The following CDK19 variants were observed in gnomAD, a reference collection of about 807,000 sequenced individuals.
CDK19 encodes the protein cyclin-dependent kinase 19.
In CDK19, 20 loss-of-function variants were observed where a neutral mutation model predicts 68.3. The observed-to-expected ratio is 0.29, with a 90% CI of 0.21 to 0.43. The LOEUF (loss-of-function observed/expected upper bound fraction) is 0.43, where lower values mean the gene tolerates loss of function less well. Ranked by LOEUF, CDK19 falls within the 20% of genes least tolerant of loss-of-function variation. CDK19 has a pLI of 1.00. For missense variants in CDK19, 339 were observed against 623.5 expected, an observed-to-expected ratio of 0.54 and a Z score of 4.86; for synonymous variants, 221 against 222.8, an observed-to-expected ratio of 0.99 and a Z score of 0.07.
At chr6:110,626,648 G>C (rs1779107817) in intron 8 of CDK19, 128 bp downstream of exon 8, 5 of 581,808 alleles carry the variant, frequency 8.6e-6, no homozygotes, top group Non-Finnish European at 8.9e-6. Context: ...ACATGCCAGT[G>C]CCTTGACCTT....
chr6:110,763,457 C>G (rs1269709626), intron 1 of CDK19, among the ~76,000 whole-genome samples: 1 of 140,056 alleles, frequency 7.1e-6, no homozygotes. Flanking sequence ...TGCTCTATCA[C>G]CAGGCTGGAG....
At chr6:110,685,318 T>C (rs1046310606) in intron 2 of CDK19, among the ~76,000 whole-genome samples, 6 of 152,246 alleles carry the variant, frequency 3.9e-5, no homozygotes, top group African/African-American at 1.4e-4. Context: ...CTATCTTCTT[T>C]GCCTGATAAA....
intron 1 of CDK19, among the ~76,000 whole-genome samples, chr6:110,796,004 AGT>A: frequency 6.6e-6 from 1 of 152,324 alleles, no homozygotes; most frequent in South Asian, 2.1e-4. Flanking sequence ...AAAGTAATTT[AGT>A]AACTACTTAT....
At chr6:110,624,254 T>TGG (rs1309112620) in intron 8 of CDK19, among the ~76,000 whole-genome samples, 1 of 151,536 alleles carries the variant, frequency 6.6e-6, no homozygotes, top group African/African-American at 2.4e-5. Context: ...GATAGGGAGG[T>TGG]GGGGCACACA....
intron 2 of CDK19, among the ~76,000 whole-genome samples, chr6:110,703,156 T>C (rs939237520): frequency 2.0e-5 from 3 of 152,096 alleles, no homozygotes; most frequent in Admixed American, 6.6e-5. Flanking sequence ...TCCCCCACCC[T>C]ACCCCCGGCA....
chr6:110,648,999 A>C (rs1319560522), intron 4 of CDK19, among the ~76,000 whole-genome samples: 1 of 152,220 alleles, frequency 6.6e-6, no homozygotes, highest in Non-Finnish European at 1.5e-5. Context: ...GGCATGGGCC[A>C]CTGTGCCTGG....
rs1783543776 is a variant in CDK19, at chr6:110,815,251, G to GCGCGCGCCGCCCGC, written c.-129_-116dup. ...TCCAACAGCCGCCTCTCGCGCGCGC[G>GCGCGCGCCGCCCGC]CGCGCGCCGCCCGCCGCCCGCCGCT... On this transcript the variant is annotated 5_prime_UTR_variant, in exon 1 of 13. Coordinates refer to ENST00000368911, the MANE Select transcript of CDK19 (RefSeq NM_015076.5). 3 of 1,198,636 alleles carry GCGCGCGCCGCCCGC rather than the reference G, an allele frequency of 2.5e-6. No homozygotes were observed. Among genetic ancestry groups the GCGCGCGCCGCCCGC allele is most frequent in the Admixed American group, 8.8e-5 (2 of 22,822 alleles). 74.3% of individuals were successfully genotyped at this position (1,198,636 alleles called of 1,614,324 possible). A position where few individuals can be genotyped will look rare whatever the true frequency, so the allele number is the denominator to read the frequency against.
At chr6:110,667,403 A>G (rs964442207) in intron 4 of CDK19, 31 bp downstream of exon 4, 23 of 1,441,690 alleles carry the variant, frequency 1.6e-5, no homozygotes, top group Non-Finnish European at 2.1e-5. Context: ...AGGGAAAAAC[A>G]TATTGATGAA....
intron 1 of CDK19, among the ~76,000 whole-genome samples, chr6:110,749,561 T>C (rs961109930): frequency 1.5e-4 from 23 of 152,090 alleles, no homozygotes; most frequent in Admixed American, 5.2e-4. Flanking sequence ...GGTTTCGCCA[T>C]ATTGGCCAGG....
chr6:110,698,520 G>C (rs936886426), intron 2 of CDK19, among the ~76,000 whole-genome samples: 2 of 152,154 alleles, frequency 1.3e-5, no homozygotes, highest in African/African-American at 2.4e-5. Flanking sequence ...TGTTGTTGTG[G>C]ATATGGTGAA....
intron 1 of CDK19, among the ~76,000 whole-genome samples, chr6:110,751,549 A>G (rs1329333134): frequency 1.3e-5 from 2 of 152,180 alleles, no homozygotes; most frequent in Non-Finnish European, 2.9e-5. Context: ...CAGTGTAATA[A>G]TAACACAAAT....
intron 2 of CDK19, among the ~76,000 whole-genome samples, chr6:110,684,194 TA>T (rs993496589): frequency 2.0e-5 from 3 of 152,134 alleles, no homozygotes; most frequent in Admixed American, 2.0e-4. Context: ...ACTGATTCAT[TA>T]AGTAAACTTT....
rs531081297 is a variant in CDK19 at position 110,671,212 on chromosome 6, C to T, written c.205-671G>A. ...GTAAAAGCTTTAAGCTGGACTCTGACGATATGTAGGAAAGATAGACCAGAG... is the reference window on the plus strand; with the variant it reads ...GTAAAAGCTTTAAGCTGGACTCTGATGATATGTAGGAAAGATAGACCAGAG... On this transcript the variant is annotated intron_variant, in intron 2 of 12. Coordinates refer to ENST00000368911, the MANE Select transcript of CDK19 (RefSeq NM_015076.5). Among the ~76,000 whole-genome samples, 34 of 152,032 alleles carry T rather than the reference C, an allele frequency of 2.2e-4. No homozygotes were observed. In the South Asian group the frequency reaches 6.2e-3, roughly 28 times the overall value.
chr6:110,710,241 G>A (rs1480301262), intron 2 of CDK19, among the ~76,000 whole-genome samples: 1 of 152,170 alleles, frequency 6.6e-6, no homozygotes, highest in Non-Finnish European at 1.5e-5. Flanking sequence ...TTCACTTCAT[G>A]CTTTGTCGAA....
At chr6:110,803,885 T>C (rs2115122318) in intron 1 of CDK19, among the ~76,000 whole-genome samples, 1 of 152,248 alleles carries the variant, frequency 6.6e-6, no homozygotes, top group African/African-American at 2.4e-5. Context: ...GGGAGGATCA[T>C]TTGAGCACAG....
At chr6:110,804,200 G>A (rs1172088659) in intron 1 of CDK19, among the ~76,000 whole-genome samples, 2 of 151,960 alleles carry the variant, frequency 1.3e-5, no homozygotes, top group East Asian at 3.9e-4. Flanking sequence ...ATCACATTCA[G>A]CTTAGTAACT....
intron 2 of CDK19, among the ~76,000 whole-genome samples, chr6:110,689,282 C>A (rs1410675445): frequency 6.6e-6 from 1 of 152,130 alleles, no homozygotes; most frequent in Non-Finnish European, 1.5e-5. Flanking sequence ...CACAGACCTA[C>A]CTGACTGAGC....
At chr6:110,754,887 A>G (rs916425690) in intron 1 of CDK19, among the ~76,000 whole-genome samples, 14 of 152,248 alleles carry the variant, frequency 9.2e-5, no homozygotes, top group Admixed American at 2.0e-4. Context: ...TGAGGCATTT[A>G]TTTCAGAAAT....
rs1317219711 is a variant in CDK19, at chr6:110,714,742, T to G, written c.204+31384A>C. ...CTTTTCTTTTTTTTTTTTTTTTTTT[T>G]TAATTTTTTGAGATGGAGTCTCACT... On this transcript the variant is annotated intron_variant, in intron 2 of 12. Transcript: ENST00000368911. Among the ~76,000 whole-genome samples the G allele has an allele frequency of 5.4e-5, 8 of 148,824 alleles. No individual in the cohort carries two copies. In the East Asian group the frequency reaches 1.4e-3, roughly 25 times the overall value.
Sources: gnomAD v4.1 joint callset for allele counts (sites outside exome capture counted in the v4.1 genomes callset) on GRCh38, gnomAD v4.1.1 for gene constraint, MANE v1.5 for transcripts, NCBI Gene and HGNC (gene_info 2026-07-23, HGNC 2026-07-21) for gene names.